EPB41L4A: variants seen among roughly 807,000 people sequenced by gnomAD.
EPB41L4A encodes the protein erythrocyte membrane protein band 4.1 like 4A.
Under a neutral mutation model 108.6 loss-of-function variants are expected in EPB41L4A, and 100 were observed. That is an observed-to-expected ratio of 0.92 (90% CI 0.78 to 1.09). The LOEUF (loss-of-function observed/expected upper bound fraction) is 1.09. Among genes scored for constraint, EPB41L4A ranks in the 50% least tolerant of loss-of-function variants. The probability of loss-of-function intolerance (pLI) is 0.00; values close to 1 mark genes in which losing one functional copy is unlikely to be tolerated. For synonymous variants in EPB41L4A, 319 were observed against 289.0 expected, an observed-to-expected ratio of 1.10 and a Z score of -1.05; for missense variants, 1,030 against 842.7, an observed-to-expected ratio of 1.22 and a Z score of -2.75.
chr5:112,178,843 A>G (rs1445288916), intron 18 of EPB41L4A, among the ~76,000 whole-genome samples: 1 of 151,932 alleles, frequency 6.6e-6, no homozygotes, highest in Admixed American at 6.5e-5. Flanking sequence ...TGTTATCCTA[A>G]GAAGATGAAA....
intron 1 of EPB41L4A, among the ~76,000 whole-genome samples, chr5:112,410,810 T>A (rs1388595621): frequency 6.6e-6 from 1 of 152,162 alleles, no homozygotes; most frequent in Non-Finnish European, 1.5e-5. Flanking sequence ...GGAGAAAGCC[T>A]TTCTCCTAGA....
intron 1 of EPB41L4A, among the ~76,000 whole-genome samples, chr5:112,319,920 C>T (rs1200534734): frequency 1.3e-5 from 2 of 151,976 alleles, no homozygotes; most frequent in African/African-American, 4.8e-5. Flanking sequence ...TAACCAGTCT[C>T]GTGTTTTCAA....
chr5:112,168,790 C>T lies in EPB41L4A; in HGVS notation c.1881G>A (p.Pro627=), dbSNP rs544419945. 1.2e-5 allele frequency: 20 copies of T among 1,614,064 alleles called. No individual in the cohort carries two copies. Among genetic ancestry groups the T allele is most frequent in the South Asian group, 3.3e-5 (3 of 91,074 alleles). Residue 627 remains proline (P), a synonymous_variant, in exon 22 of 23, where the codon CCG becomes CCA. Coordinates refer to ENST00000261486, the MANE Select transcript of EPB41L4A (RefSeq NM_022140.5). The part of the protein sequence containing the change: ...NSKTDLVPPL[P]VTRSSDAQGS... ...CCTGAGCATCCGAAGAACGGGTCAC[C>T]GGAAGTGGTGGTACAAGATCTGTTT... is the stretch of plus-strand genomic sequence containing the variant.
At chr5:112,228,211 T>C (rs2150351398) in intron 12 of EPB41L4A, 2 of 152,326 alleles carry the variant, frequency 1.3e-5, no homozygotes, top group South Asian at 4.1e-4. Context: ...AAAGTCTTCT[T>C]ATAATAAAAT....
intron 4 of EPB41L4A, among the ~76,000 whole-genome samples, chr5:112,273,525 T>C (rs1319364867): frequency 1.3e-5 from 2 of 152,184 alleles, no homozygotes; most frequent in African/African-American, 2.4e-5. Context: ...AATTCCACTA[T>C]ACATCTAGAA....
Position 112,259,885 on chromosome 5 carries a change from A to T in EPB41L4A, c.731+6T>A, listed in dbSNP as rs1473496889. On this transcript the variant is annotated splice_donor_region_variant and intron_variant, in intron 8 of 22. Transcript: ENST00000261486. ...AATGCCAACTCTGTTCTCAAGCCAT[A>T]CCTACCAGAAATACTTCCCCACTTG... 6.2e-7 allele frequency: 1 copy of T among 1,610,430 alleles called. No individual in the cohort carries two copies. Among genetic ancestry groups the T allele is most frequent in the Non-Finnish European group, 8.5e-7 (1 of 1,176,664 alleles).
At chr5:112,268,208 T>C (rs6875782) in intron 4 of EPB41L4A, among the ~76,000 whole-genome samples, 58,360 of 152,024 alleles carry the variant, frequency 0.38, 12,326 homozygotes, top group South Asian at 0.65. Flanking sequence ...ACAGTGAAAC[T>C]CTTTCTCTAT....
intron 1 of EPB41L4A, among the ~76,000 whole-genome samples, chr5:112,406,640 G>A (rs889805672): frequency 2.0e-5 from 3 of 152,086 alleles, no homozygotes; most frequent in East Asian, 3.9e-4. Flanking sequence ...TGGGGGTGGG[G>A]AGAAGGGAAG....
At chr5:112,407,634 T>C (rs1762147070) in intron 1 of EPB41L4A, among the ~76,000 whole-genome samples, 1 of 152,176 alleles carries the variant, frequency 6.6e-6, no homozygotes, top group African/African-American at 2.4e-5. Flanking sequence ...TCATAAAACC[T>C]ATGCAAATAC....
At chr5:112,337,691 G>A (rs1757011527) in intron 1 of EPB41L4A, among the ~76,000 whole-genome samples, 1 of 152,142 alleles carries the variant, frequency 6.6e-6, no homozygotes, top group South Asian at 2.1e-4. Context: ...CCTCAAGAGT[G>A]TTACAATACA....
At chr5:112,260,379 A>G (rs1368149329) in intron 7 of EPB41L4A, among the ~76,000 whole-genome samples, 2 of 152,268 alleles carry the variant, frequency 1.3e-5, no homozygotes, top group Non-Finnish European at 2.9e-5. Flanking sequence ...TGAAGAGGCC[A>G]AAGTAGCAGA....
intron 12 of EPB41L4A, among the ~76,000 whole-genome samples, chr5:112,152,448 C>G (rs1317461118): frequency 1.3e-5 from 2 of 152,038 alleles, no homozygotes; most frequent in African/African-American, 4.8e-5. Flanking sequence ...AGAAGTGGAG[C>G]CTTTGGGTGG....
At chr5:112,370,811 A>G (rs1006030595) in intron 1 of EPB41L4A, among the ~76,000 whole-genome samples, 1 of 152,116 alleles carries the variant, frequency 6.6e-6, no homozygotes, top group South Asian at 2.1e-4. Context: ...GCTACTCAGG[A>G]GCCTGTAGTC....
chr5:112,288,383 G>C (rs1044769640), intron 2 of EPB41L4A, among the ~76,000 whole-genome samples: 1 of 152,118 alleles, frequency 6.6e-6, no homozygotes, highest in Non-Finnish European at 1.5e-5. Context: ...ACTGAAAAGA[G>C]GCCTTTGAAC....
intron 13 of EPB41L4A, among the ~76,000 whole-genome samples, chr5:112,206,680 A>T (rs1762489277): frequency 6.6e-6 from 1 of 152,218 alleles, no homozygotes; most frequent in Non-Finnish European, 1.5e-5. Context: ...TAAAAGAGGA[A>T]CTGAGAGAGT....
At chr5:112,341,361 T>A (rs1212235121) in intron 1 of EPB41L4A, among the ~76,000 whole-genome samples, 2 of 152,228 alleles carry the variant, frequency 1.3e-5, no homozygotes, top group African/African-American at 4.8e-5. Context: ...AGTTCTTCAA[T>A]GAATAATTTT....
rs1233381153 is a variant in EPB41L4A at position 112,265,001 on chromosome 5, TA to T, written c.448del (p.Tyr150MetfsTer28). 6.3e-7 allele frequency: 1 copy of T among 1,592,742 alleles called. No homozygotes were observed. The highest frequency in any genetic ancestry group is 1.8e-5 in the Admixed American group (1 of 55,736). On this transcript the variant is annotated frameshift_variant, in exon 6 of 23. Coordinates refer to ENST00000261486, the MANE Select transcript of EPB41L4A (RefSeq NM_022140.5). LOFTEE classifies it high-confidence loss of function. ...AYAIQSELGD[Y>X]DPYKHTAGYV... is the part of the protein sequence containing the mutation. ...TCCTGCAGTATGTTTATATGGGTCATAATCTCCAAGCTCCGCTAAAAAAGAA... is the reference window on the plus strand; with the variant it reads ...TCCTGCAGTATGTTTATATGGGTCATATCTCCAAGCTCCGCTAAAAAAGAA...
intron 12 of EPB41L4A, among the ~76,000 whole-genome samples, chr5:112,226,112 C>T (rs985388970): frequency 3.9e-5 from 6 of 152,170 alleles, no homozygotes; most frequent in African/African-American, 1.2e-4. Context: ...TCCAATCCTG[C>T]TCTCAGATTT....
At chr5:112,230,442 A>G (rs1435858985) in intron 12 of EPB41L4A, among the ~76,000 whole-genome samples, 1 of 152,162 alleles carries the variant, frequency 6.6e-6, no homozygotes, top group Admixed American at 6.5e-5. Flanking sequence ...GTAAAGCGGT[A>G]TCTCATTGTG....
Sources: gnomAD v4.1 joint callset for allele counts (sites outside exome capture counted in the v4.1 genomes callset) on GRCh38, gnomAD v4.1.1 for gene constraint, MANE v1.5 for transcripts, NCBI Gene and HGNC (gene_info 2026-07-23, HGNC 2026-07-21) for gene names.